SLC49A4: variants seen among roughly 807,000 people sequenced by gnomAD.
The protein encoded by SLC49A4 is solute carrier family 49 member 4, also known as disrupted in renal cancer protein 2.
SLC49A4 carries 36 observed loss-of-function variants against 50.6 expected under a neutral mutation model. That is an observed-to-expected ratio of 0.71 (90% CI 0.55 to 0.94). SLC49A4 has a LOEUF of 0.94. Among genes scored for constraint, SLC49A4 ranks in the 40% least tolerant of loss-of-function variants. The pLI is 0.00. For missense variants in SLC49A4, 503 were observed against 605.7 expected (o/e 0.83, Z 1.78); for synonymous variants, 248 against 241.2 (o/e 1.03, Z -0.26).
intron 2 of SLC49A4, among the ~76,000 whole-genome samples, chr3:122,819,823 C>T (rs1191587383): frequency 6.6e-6 from 1 of 150,996 alleles, no homozygotes; most frequent in Non-Finnish European, 1.5e-5. Flanking sequence ...AAACACATGA[C>T]TTTTTTTTAA....
At chr3:122,808,719 C>T (rs1219219062) in intron 2 of SLC49A4, among the ~76,000 whole-genome samples, 1 of 152,090 alleles carries the variant, frequency 6.6e-6, no homozygotes, top group Non-Finnish European at 1.5e-5. Context: ...AGCTTGAGGT[C>T]ATGGGCATAA....
chr3:122,850,202 CTGTT>C (rs56654584), intron 5 of SLC49A4, among the ~76,000 whole-genome samples: 2,304 of 152,296 alleles, frequency 0.015, 66 homozygotes, highest in African/African-American at 0.053. Context: ...TAGCCAACGA[CTGTT>C]TGAGAACGAT....
At chr3:122,816,208 A>G (rs1204717441) in intron 2 of SLC49A4, among the ~76,000 whole-genome samples, 1 of 152,126 alleles carries the variant, frequency 6.6e-6, no homozygotes, top group Non-Finnish European at 1.5e-5. Context: ...ATTTCCTGCC[A>G]TTTGGATTCA....
intron 2 of SLC49A4, among the ~76,000 whole-genome samples, chr3:122,824,500 C>G (rs745848765): frequency 2.0e-5 from 3 of 152,094 alleles, no homozygotes; most frequent in Non-Finnish European, 4.4e-5. Context: ...AAGAGTTAAG[C>G]CATGGCAATA....
intron 2 of SLC49A4, among the ~76,000 whole-genome samples, chr3:122,809,462 C>G (rs998656059): frequency 6.6e-6 from 1 of 152,160 alleles, no homozygotes; most frequent in East Asian, 1.9e-4. Flanking sequence ...TGGCCCACAC[C>G]TGTAATCCCA....
At chr3:122,853,143 C>T (rs1247577902) in intron 5 of SLC49A4, among the ~76,000 whole-genome samples, 2 of 152,130 alleles carry the variant, frequency 1.3e-5, no homozygotes, top group East Asian at 1.9e-4. Context: ...TTATATCTGG[C>T]GAGGGCTCAC....
chr3:122,807,649 A>G (rs931851226), intron 2 of SLC49A4, among the ~76,000 whole-genome samples: 4 of 152,198 alleles, frequency 2.6e-5, no homozygotes, highest in Admixed American at 6.5e-5. Flanking sequence ...AATTTCTTAA[A>G]TTAGTGTTTC....
intron 5 of SLC49A4, among the ~76,000 whole-genome samples, chr3:122,855,193 GA>G (rs1936971170): frequency 6.6e-6 from 1 of 152,164 alleles, no homozygotes; most frequent in Non-Finnish European, 1.5e-5. Flanking sequence ...GTCAAGTTTG[GA>G]CTTTGTCCTG....
At chr3:122,817,756 T>A in intron 2 of SLC49A4, among the ~76,000 whole-genome samples, 1 of 123,056 alleles carries the variant, frequency 8.1e-6, no homozygotes, top group South Asian at 2.6e-4. Context: ...AATTTTTTTT[T>A]TTTTTTTTTT....
intron 5 of SLC49A4, among the ~76,000 whole-genome samples, chr3:122,850,221 A>G (rs941188237): frequency 6.6e-6 from 1 of 152,194 alleles, no homozygotes; most frequent in African/African-American, 2.4e-5. Flanking sequence ...AACGATGTTA[A>G]TATCACACGT....
At chr3:122,842,029 T>C (rs1936777903) in intron 4 of SLC49A4, among the ~76,000 whole-genome samples, 2 of 152,306 alleles carry the variant, frequency 1.3e-5, no homozygotes, top group South Asian at 4.1e-4. Flanking sequence ...ACAATGCCAC[T>C]TAAGTAAATT....
chr3:122,826,291 A>C (rs897231595), intron 2 of SLC49A4, among the ~76,000 whole-genome samples: 9 of 152,196 alleles, frequency 5.9e-5, no homozygotes, highest in African/African-American at 1.9e-4. Flanking sequence ...GTTGAGCTCA[A>C]CTATAAGGCT....
intron 2 of SLC49A4, among the ~76,000 whole-genome samples, chr3:122,808,123 T>A (rs1936249413): frequency 6.6e-6 from 1 of 152,172 alleles, no homozygotes; most frequent in South Asian, 2.1e-4. Context: ...ATTGGGAATA[T>A]GACAGAAGAC....
intron 2 of SLC49A4, among the ~76,000 whole-genome samples, chr3:122,814,324 G>A (rs1936336559): frequency 6.6e-6 from 1 of 152,052 alleles, no homozygotes; most frequent in South Asian, 2.1e-4. Context: ...GGGTTTTCAG[G>A]TTAGAGTTAG....
chr3:122,833,578 T>TTAC, intron 4 of SLC49A4, 132 bp downstream of exon 4: 1 of 756,224 alleles, frequency 1.3e-6, no homozygotes, highest in Non-Finnish European at 1.9e-6. Flanking sequence ...GATAAAATAC[T>TTAC]AATTGAATAT....
chr3:122,813,464 G>A (rs920983542), intron 2 of SLC49A4, among the ~76,000 whole-genome samples: 5 of 151,880 alleles, frequency 3.3e-5, no homozygotes, highest in African/African-American at 1.2e-4. Context: ...CCATGTAGCC[G>A]TCACTCAGCC....
chr3:122,877,705 A>G (rs1328817084), intron 8 of SLC49A4, among the ~76,000 whole-genome samples: 3 of 152,130 alleles, frequency 2.0e-5, no homozygotes, highest in African/African-American at 7.2e-5. Context: ...ACAAAATGCT[A>G]TTGTCTATAT....
At chr3:122,870,806 T>C (rs1415909523) in intron 7 of SLC49A4, among the ~76,000 whole-genome samples, 1 of 144,220 alleles carries the variant, frequency 6.9e-6, no homozygotes, top group Non-Finnish European at 1.5e-5. Flanking sequence ...AGAGCAAGAC[T>C]CCATCTCAAC....
At chr3:122,828,097 C>T (rs1459243730) in intron 3 of SLC49A4, among the ~76,000 whole-genome samples, 2 of 152,086 alleles carry the variant, frequency 1.3e-5, no homozygotes, top group Non-Finnish European at 2.9e-5. Flanking sequence ...GATAAGGGAC[C>T]CAATTATACT....
Sources: allele counts gnomAD v4.1 joint callset (sites outside exome capture counted in the v4.1 genomes callset), GRCh38; gene constraint gnomAD v4.1.1; transcripts MANE v1.5; gene names NCBI Gene and HGNC (gene_info 2026-07-23, HGNC 2026-07-21).